The following CIMAP3 variants were observed in gnomAD, a reference collection of about 807,000 sequenced individuals.
CIMAP3 encodes ciliary microtubule associated protein 3, also known as ciliary microtubule-associated protein 3.
At chr1:111,338,166 A>G in the CIMAP3 span, among the ~76,000 whole-genome samples, 2 of 151,860 alleles carry the variant, frequency 1.3e-5, no homozygotes, top group Admixed American at 1.3e-4. Context: ...AAGACACAAC[A>G]TACCGGAATC....
At chr1:111,347,782 T>G in the CIMAP3 span, 1 of 1,592,820 alleles carries the variant, frequency 6.3e-7, no homozygotes, top group Non-Finnish European at 8.6e-7. Flanking sequence ...GGTAATGTGC[T>G]GGGATTTTAG....
the CIMAP3 span, among the ~76,000 whole-genome samples, chr1:111,327,265 A>G: frequency 6.6e-6 from 1 of 152,078 alleles, no homozygotes; most frequent in African/African-American, 2.4e-5. Flanking sequence ...ATTTTTTTAT[A>G]TGATGAGAGA....
chr1:111,334,504 G>C, the CIMAP3 span, among the ~76,000 whole-genome samples: 1,206 of 152,308 alleles, frequency 7.9e-3, 16 homozygotes, highest in African/African-American at 0.027. Context: ...TCACAAGAAA[G>C]AGAAGCAGAC....
chr1:111,339,938 G>C, the CIMAP3 span, among the ~76,000 whole-genome samples: 48 of 151,708 alleles, frequency 3.2e-4, 1 homozygote, highest in African/African-American at 9.7e-4. Context: ...AGGCATCACA[G>C]TACCTGACTT....
the CIMAP3 span, among the ~76,000 whole-genome samples, chr1:111,344,930 T>C: frequency 1.3e-5 from 2 of 152,218 alleles, no homozygotes; most frequent in African/African-American, 4.8e-5. Flanking sequence ...ATAGTTTTAC[T>C]GTTCCTTTTC....
At chr1:111,338,173 A>G in the CIMAP3 span, among the ~76,000 whole-genome samples, 1 of 151,838 alleles carries the variant, frequency 6.6e-6, no homozygotes, top group African/African-American at 2.4e-5. Flanking sequence ...AACATACCGG[A>G]ATCTCTGGGA....
the CIMAP3 span, among the ~76,000 whole-genome samples, chr1:111,335,313 G>A: frequency 0.3 from 46,073 of 151,888 alleles, 7,674 homozygotes; most frequent in South Asian, 0.42. Context: ...CTGAGGTACC[G>A]GGTTCATCTC....
the CIMAP3 span, among the ~76,000 whole-genome samples, chr1:111,333,735 C>T: frequency 6.6e-6 from 1 of 152,140 alleles, no homozygotes; most frequent in African/African-American, 2.4e-5. Flanking sequence ...ATCTTTGCTC[C>T]CCCACTGTAC....
At chr1:111,328,292 T>C in the CIMAP3 span, among the ~76,000 whole-genome samples, 2 of 152,376 alleles carry the variant, frequency 1.3e-5, no homozygotes, top group South Asian at 4.1e-4. Context: ...TTAGAGTATG[T>C]GCCAGGTGGC....
At chr1:111,346,606 G>T in the CIMAP3 span, 16 of 1,613,220 alleles carry the variant, frequency 9.9e-6, no homozygotes, top group African/African-American at 2.1e-4. Context: ...ACTAGCCTTC[G>T]TTTCCTTGGC....
At chr1:111,348,025 T>C in the CIMAP3 span, among the ~76,000 whole-genome samples, 1 of 152,214 alleles carries the variant, frequency 6.6e-6, no homozygotes, top group Non-Finnish European at 1.5e-5. Flanking sequence ...AGGGCTTTAG[T>C]GTTGAGATGC....
chr1:111,347,872 C>T, the CIMAP3 span: 1 of 813,742 alleles, frequency 1.2e-6, no homozygotes, highest in East Asian at 2.6e-5. Flanking sequence ...AAAGAATATG[C>T]CCTGAAATTA....
At chr1:111,339,787 A>G in the CIMAP3 span, among the ~76,000 whole-genome samples, 1 of 151,838 alleles carries the variant, frequency 6.6e-6, no homozygotes, top group Non-Finnish European at 1.5e-5. Context: ...TGCCCAAGGT[A>G]ATTTATAGAT....
the CIMAP3 span, among the ~76,000 whole-genome samples, chr1:111,333,187 G>T: frequency 6.6e-6 from 1 of 152,194 alleles, no homozygotes; most frequent in Non-Finnish European, 1.5e-5. Flanking sequence ...GAAATTTCAG[G>T]CTATTCCCCT....
the CIMAP3 span, chr1:111,347,143 G>A: frequency 1.4e-6 from 2 of 1,401,118 alleles, no homozygotes. Flanking sequence ...AATTCTGTGG[G>A]ACTTGAGATC....
the CIMAP3 span, among the ~76,000 whole-genome samples, chr1:111,331,714 G>A: frequency 6.6e-6 from 1 of 151,754 alleles, no homozygotes; most frequent in East Asian, 1.9e-4. Flanking sequence ...TTGTGATTGG[G>A]GTCTTTTACT....
At chr1:111,327,187 C>G in the CIMAP3 span, among the ~76,000 whole-genome samples, 1 of 152,002 alleles carries the variant, frequency 6.6e-6, no homozygotes, top group African/African-American at 2.4e-5. Context: ...AGTGTTTTCC[C>G]TATGTTTTCT....
At chr1:111,351,390 C>T in the CIMAP3 span, 1 of 1,345,702 alleles carries the variant, frequency 7.4e-7, no homozygotes, top group South Asian at 1.5e-5. Flanking sequence ...GAGGACAGAG[C>T]TGCTCTTCTT....
chr1:111,348,493 A>G, the CIMAP3 span: 3 of 1,582,360 alleles, frequency 1.9e-6, no homozygotes, highest in Non-Finnish European at 2.6e-6. Context: ...TCTGTAACAT[A>G]ATGATCTTTT....
Sources: allele counts gnomAD v4.1 joint callset (sites outside exome capture counted in the v4.1 genomes callset), GRCh38; gene constraint gnomAD v4.1.1; transcripts MANE v1.5; gene names NCBI Gene and HGNC (gene_info 2026-07-23, HGNC 2026-07-21).